The following SND1 variants were observed in gnomAD, a reference collection of about 807,000 sequenced individuals.
The protein encoded by SND1 is staphylococcal nuclease domain-containing protein 1.
In SND1, 38 loss-of-function variants were observed where a neutral mutation model predicts 121.7. The observed-to-expected ratio is 0.31, with a 90% confidence interval of 0.24 to 0.41. The LOEUF (loss-of-function observed/expected upper bound fraction) is 0.41, where lower values mean the gene tolerates loss of function less well. Among genes scored for constraint, SND1 ranks in the 10% least tolerant of loss-of-function variants. The pLI, the probability that SND1 is intolerant of heterozygous loss-of-function variation, is 1.00. For synonymous variants in SND1, 401 were observed against 447.4 expected, an observed-to-expected ratio of 0.90 and a Z score of 1.31; for missense variants, 868 against 1,184.6, an observed-to-expected ratio of 0.73 and a Z score of 3.92.
intron 16 of SND1, among the ~76,000 whole-genome samples, chr7:128,021,723 C>A (rs1803353091): frequency 6.6e-6 from 1 of 152,028 alleles, no homozygotes; most frequent in African/African-American, 2.4e-5. Context: ...TAAGGAGTTG[C>A]CCTGGAGAGG....
At chr7:127,857,506 T>G (rs1237758531) in intron 12 of SND1, among the ~76,000 whole-genome samples, 1 of 151,724 alleles carries the variant, frequency 6.6e-6, no homozygotes, top group African/African-American at 2.4e-5. Flanking sequence ...TCACTTAGTT[T>G]TGTAAGTGAG....
intron 16 of SND1, among the ~76,000 whole-genome samples, chr7:128,074,209 C>A (rs1793464728): frequency 6.6e-6 from 1 of 152,086 alleles, no homozygotes; most frequent in African/African-American, 2.4e-5. Flanking sequence ...TTCACTTGCT[C>A]CTGACCTTCA....
At chr7:127,741,650 T>C (rs887393637) in intron 10 of SND1, among the ~76,000 whole-genome samples, 3 of 152,200 alleles carry the variant, frequency 2.0e-5, no homozygotes, top group African/African-American at 7.2e-5. Flanking sequence ...TTGCCTTCCG[T>C]TGTGTACCTG....
In SND1 at chr7:128,003,400, T is replaced by C. The variant is rs184676378; in HGVS notation, c.1779+12344T>C. ...CTGTTTTCCTTTTCAGCTTAACATA[T>C]GCCTTCCTCTTCTCCCCTTTCCCTT... On this transcript the variant is annotated intron_variant, in intron 16 of 23. Transcript: ENST00000354725. Among the ~76,000 whole-genome samples the C allele has an allele frequency of 1.1e-4, 17 of 152,288 alleles. No individual in the cohort carries two copies. The East Asian group carries it at 3.3e-3, about 29-fold the overall frequency.
In SND1 at chr7:127,831,256, A is replaced by G. The variant is rs548080503; in HGVS notation, c.1243-13068A>G. On this transcript the variant is annotated intron_variant, in intron 11 of 23. Transcript: ENST00000354725. ...CCAGCTGTCTTAGAACTGGCTGGCT[A>G]ACCCACTGCAAAGTGTTGGGTCTTA... 1.5e-3 allele frequency among the ~76,000 whole-genome samples: 229 copies of G among 152,314 alleles called. 1 individual carries two copies. Among genetic ancestry groups the G allele is most frequent in the Non-Finnish European group, 2.5e-3 (172 of 68,028 alleles).
intron 9 of SND1, among the ~76,000 whole-genome samples, chr7:127,717,803 C>T (rs1796417005): frequency 6.6e-6 from 1 of 152,166 alleles, no homozygotes. Context: ...GTTATGTCCA[C>T]AGCTCAGGAA....
chr7:127,869,182 G>C (rs565583054), intron 12 of SND1, among the ~76,000 whole-genome samples: 89 of 152,266 alleles, frequency 5.8e-4, no homozygotes, highest in African/African-American at 2.0e-3. Context: ...GGACCTGAAG[G>C]ATGGCAAAAA....
At chr7:127,718,470 C>A in intron 9 of SND1, 2 of 577,338 alleles carry the variant, frequency 3.5e-6, no homozygotes, top group East Asian at 1.4e-4. Flanking sequence ...ACCATAAACC[C>A]CACTTATACA....
rs56280073 is a variant in SND1 at position 127,852,387 on chromosome 7, C to G, written c.1343+7963C>G. Among the ~76,000 whole-genome samples, 6 of 150,018 alleles carry G rather than the reference C, an allele frequency of 4.0e-5. No individual in the cohort carries two copies. In the East Asian group the frequency reaches 9.9e-4, roughly 25 times the overall value. On this transcript the variant is annotated intron_variant, in intron 12 of 23. Transcript: ENST00000354725. Reference sequence around the variant, plus strand: ...CCTATAATCTCAGCTACTTGGGAGGCTGAGGCAGGAGAATCGCTTGAACCC... The same window carrying G: ...CCTATAATCTCAGCTACTTGGGAGGGTGAGGCAGGAGAATCGCTTGAACCC...
intron 17 of SND1, among the ~76,000 whole-genome samples, chr7:128,075,869 C>T (rs1793498296): frequency 6.6e-6 from 1 of 152,258 alleles, no homozygotes; most frequent in Non-Finnish European, 1.5e-5. Context: ...AGTCACACGG[C>T]TTCTTCCTGG....
chr7:127,712,202 A>C (rs575452739), intron 9 of SND1, among the ~76,000 whole-genome samples: 1 of 152,174 alleles, frequency 6.6e-6, no homozygotes, highest in Non-Finnish European at 1.5e-5. Context: ...TCTGTCACCC[A>C]GGCTGGAGTG....
At chr7:127,834,175 T>G (rs1167953765) in intron 11 of SND1, among the ~76,000 whole-genome samples, 1 of 152,244 alleles carries the variant, frequency 6.6e-6, no homozygotes. Context: ...GAGATATCTC[T>G]TTAAGATCCT....
chr7:127,879,055 A>G (rs1799743484), intron 12 of SND1, among the ~76,000 whole-genome samples: 1 of 152,182 alleles, frequency 6.6e-6, no homozygotes, highest in Non-Finnish European at 1.5e-5. Context: ...CTCCTTGAAG[A>G]TGCCATCACA....
intron 1 of SND1, among the ~76,000 whole-genome samples, chr7:127,677,426 A>T (rs142333727): frequency 6.6e-4 from 100 of 152,380 alleles, no homozygotes; most frequent in African/African-American, 2.3e-3. Flanking sequence ...TTCTCTGATT[A>T]TAAAAACGAG....
intron 12 of SND1, among the ~76,000 whole-genome samples, chr7:127,857,036 C>T (rs1799288273): frequency 6.6e-6 from 1 of 152,002 alleles, no homozygotes; most frequent in African/African-American, 2.4e-5. Context: ...AAGCAAGAAA[C>T]CAAAAATACC....
chr7:127,874,378 A>T (rs550785711), intron 12 of SND1, among the ~76,000 whole-genome samples: 1 of 152,180 alleles, frequency 6.6e-6, no homozygotes, highest in Non-Finnish European at 1.5e-5. Flanking sequence ...TATTATGCAC[A>T]AAAGTATGTA....
chr7:127,917,989 T>C (rs1174566893), intron 14 of SND1, among the ~76,000 whole-genome samples: 2 of 152,164 alleles, frequency 1.3e-5, no homozygotes, highest in Non-Finnish European at 2.9e-5. Context: ...AAGGGACAAT[T>C]AGTTATCTGA....
At chr7:127,864,544 A>G (rs912070408) in intron 12 of SND1, among the ~76,000 whole-genome samples, 4 of 152,090 alleles carry the variant, frequency 2.6e-5, no homozygotes, top group Non-Finnish European at 4.4e-5. Context: ...GAATCTGTAA[A>G]ACAGCAGAGT....
Position 127,865,140 on chromosome 7 carries a change from T to C in SND1, c.1343+20716T>C, listed in dbSNP as rs139272378. ...GATCAGCAGTTAGGCAGGAATTCCA[T>C]TGAGAGAGAAACACTATTGATGATT... On this transcript the variant is annotated intron_variant, in intron 12 of 23. Coordinates refer to ENST00000354725, the MANE Select transcript of SND1 (RefSeq NM_014390.4). Among the ~76,000 whole-genome samples, 9 of 152,328 alleles carry C rather than the reference T, an allele frequency of 5.9e-5. No homozygotes were observed. In the East Asian group the frequency reaches 1.5e-3, roughly 26 times the overall value.
Sources: allele counts gnomAD v4.1 joint callset (sites outside exome capture counted in the v4.1 genomes callset), GRCh38; gene constraint gnomAD v4.1.1; transcripts MANE v1.5; gene names NCBI Gene and HGNC (gene_info 2026-07-23, HGNC 2026-07-21).